The following GPBP1L1 variants were observed in gnomAD, a reference collection of about 807,000 sequenced individuals.
GPBP1L1 encodes the protein vasculin-like protein 1.
A neutral mutation model predicts 52.5 loss-of-function variants in GPBP1L1; 23 were observed. The observed-to-expected ratio is 0.44, with a 90% CI of 0.32 to 0.62. The LOEUF (loss-of-function observed/expected upper bound fraction) is 0.62. Ranked by LOEUF, GPBP1L1 falls within the 20% of genes least tolerant of loss-of-function variation. GPBP1L1 has a pLI of 0.06. For synonymous variants in GPBP1L1, 243 were observed against 203.1 expected, an observed-to-expected ratio of 1.20 and a Z score of -1.67; for missense variants, 596 against 579.3, an observed-to-expected ratio of 1.03 and a Z score of -0.30.
intron 2 of GPBP1L1, among the ~76,000 whole-genome samples, chr1:45,680,899 G>A (rs1333396316): frequency 3.9e-5 from 6 of 152,086 alleles, no homozygotes; most frequent in Non-Finnish European, 8.8e-5. Context: ...TTGGAGGGTA[G>A]AAAATAGGGA....
chr1:45,642,078 C>A (rs1569784200), intron 7 of GPBP1L1, among the ~76,000 whole-genome samples: 1 of 152,120 alleles, frequency 6.6e-6, no homozygotes, highest in Non-Finnish European at 1.5e-5. Context: ...GTGGAGGCTG[C>A]AGTGAGCTGA....
intron 2 of GPBP1L1, among the ~76,000 whole-genome samples, chr1:45,670,861 C>T (rs1386011637): frequency 1.4e-5 from 2 of 141,532 alleles, no homozygotes; most frequent in Non-Finnish European, 3.0e-5. Context: ...GGTGTGATCT[C>T]GGCTCACTGC....
chr1:45,658,478 AAAAAAG>A (rs1478249636), intron 4 of GPBP1L1, among the ~76,000 whole-genome samples: 2 of 152,204 alleles, frequency 1.3e-5, no homozygotes, highest in Non-Finnish European at 2.9e-5. Context: ...GAGATACTTA[AAAAAAG>A]AAAAAAAGAA....
At chr1:45,631,283 G>A (rs1243713433) in intron 10 of GPBP1L1, among the ~76,000 whole-genome samples, 5 of 152,074 alleles carry the variant, frequency 3.3e-5, no homozygotes, top group Non-Finnish European at 7.4e-5. Flanking sequence ...TATTTTTGGA[G>A]ATCAAGTCTC....
At chr1:45,634,390 C>T (rs757698648) in intron 8 of GPBP1L1, 154 bp from the exon 9 acceptor site, 204 of 670,726 alleles carry the variant, frequency 3.0e-4, no homozygotes, top group Non-Finnish European at 4.2e-4. Context: ...CAACCTCTTT[C>T]GGAGGTTAGG....
intron 2 of GPBP1L1, among the ~76,000 whole-genome samples, chr1:45,676,862 C>CAGAGAGACCCT (rs1557722558): frequency 6.9e-6 from 1 of 145,210 alleles, no homozygotes; most frequent in Non-Finnish European, 1.5e-5. Context: ...CTGGGTGACA[C>CAGAGAGACCCT]AGAGAGACCC....
chr1:45,657,168 C>T lies in GPBP1L1; in HGVS notation c.61-1849G>A, dbSNP rs573801422. ...ATAGATCTATATACTTTTCAGGTAGCCCACTAGCTCCAAGCTTTGGGTCAG... is the reference window on the plus strand; with the variant it reads ...ATAGATCTATATACTTTTCAGGTAGTCCACTAGCTCCAAGCTTTGGGTCAG... On this transcript the variant is annotated intron_variant, in intron 4 of 12. Transcript: ENST00000355105. Among the ~76,000 whole-genome samples, 27 of 152,256 alleles carry T rather than the reference C, an allele frequency of 1.8e-4. No homozygotes were observed. The South Asian group carries it at 5.2e-3, about 29-fold the overall frequency.
At chr1:45,670,251 T>G (rs1288626587) in intron 2 of GPBP1L1, among the ~76,000 whole-genome samples, 1 of 152,248 alleles carries the variant, frequency 6.6e-6, no homozygotes, top group African/African-American at 2.4e-5. Context: ...ATTTATCAGG[T>G]CTTTGTACTT....
intron 2 of GPBP1L1, among the ~76,000 whole-genome samples, chr1:45,664,869 G>C (rs1371498644): frequency 6.6e-6 from 1 of 152,012 alleles, no homozygotes; most frequent in East Asian, 2.0e-4. Flanking sequence ...AGCAGAGATA[G>C]AGTTTCGCCA....
chr1:45,660,296 TATG>T lies in GPBP1L1; in HGVS notation c.-171_-169del. ...AAGTAACCTGGCCGGCAGCACGACT[TATG>T]ATGAAGCACGAAGAAGCCAGGTTCT... On this transcript the variant is annotated 5_prime_UTR_variant, in exon 3 of 13. Coordinates refer to ENST00000355105, the MANE Select transcript of GPBP1L1 (RefSeq NM_021639.5). 1.0e-6 allele frequency: 1 copy of T among 985,340 alleles called. No individual in the cohort carries two copies. The highest frequency in any genetic ancestry group is 1.2e-6 in the Non-Finnish European group (1 of 829,916). 61.0% of individuals were successfully genotyped at this position (985,340 alleles called of 1,614,324 possible). A position where few individuals can be genotyped will look rare whatever the true frequency, so the allele number is the denominator to read the frequency against.
At chr1:45,643,836 A>G (rs1644706217) in intron 6 of GPBP1L1, among the ~76,000 whole-genome samples, 1 of 151,532 alleles carries the variant, frequency 6.6e-6, no homozygotes, top group African/African-American at 2.4e-5. Context: ...CACCCAGCTA[A>G]TTTTTGTATT....
chr1:45,630,501 A>G lies in GPBP1L1; in HGVS notation c.1150T>C (p.Ser384Pro), dbSNP rs762779000. ...VVEEGEVLSH[S>P]LEAEHRLLKA... ...ACTTACCTGTGCTCTGCTTCTAGAG[A>G]GTGTGAGAGAACCTCCCCTTCTTCC... is the stretch of plus-strand genomic sequence containing the variant. The change falls in exon 11 of 13, where the codon TCT becomes CCT. Residue 384 changes from serine (S) to proline (P), a missense_variant. By Grantham distance (74) the Ser-to-Pro change is moderately conservative (BLOSUM62 -1). Coordinates refer to ENST00000355105, the MANE Select transcript of GPBP1L1 (RefSeq NM_021639.5). 6.2e-7 allele frequency: 1 copy of G among 1,613,812 alleles called. No individual in the cohort carries two copies. Among genetic ancestry groups the G allele is most frequent in the Admixed American group, 1.7e-5 (1 of 60,006 alleles).
rs1277161459 is a variant in GPBP1L1, at chr1:45,660,639, G to A, written c.-511C>T. 2.6e-6 allele frequency: 2 copies of A among 773,340 alleles called. No homozygotes were observed. The highest frequency in any genetic ancestry group is 1.3e-4 in the East Asian group (1 of 7,868). The allele number at this position is 773,340 out of a possible 1,614,324, so 47.9% of individuals were successfully genotyped here. On this transcript the variant is annotated 5_prime_UTR_variant, in exon 3 of 13. Transcript: ENST00000355105. The stretch of plus-strand genomic sequence containing the variant: ...AAGTGTGGACAAATAATGTCATCAA[G>A]GTAATAGATCAAAAATATTAAAGCC...
chr1:45,656,927 CCTT>C (rs1411309233), intron 4 of GPBP1L1, among the ~76,000 whole-genome samples: 1 of 152,098 alleles, frequency 6.6e-6, no homozygotes, highest in Non-Finnish European at 1.5e-5. Context: ...TTCAAGCAAT[CCTT>C]CTGCCTCAGC....
intron 2 of GPBP1L1, among the ~76,000 whole-genome samples, chr1:45,674,973 T>C (rs1337853566): frequency 6.6e-6 from 1 of 152,190 alleles, no homozygotes; most frequent in African/African-American, 2.4e-5. Flanking sequence ...GTAGTCCTTT[T>C]CTTGTTTTTC....
intron 9 of GPBP1L1, 36 bp downstream of exon 9, chr1:45,634,060 T>C: frequency 6.4e-7 from 1 of 1,559,492 alleles, no homozygotes. Context: ...GAAATGGCAA[T>C]TTCAGAAAAG....
intron 6 of GPBP1L1, chr1:45,651,777 G>T (rs142469716): frequency 9.3e-4 from 285 of 307,642 alleles, no homozygotes; most frequent in Non-Finnish European, 1.4e-3. Flanking sequence ...CTTGACGACA[G>T]CAGGGGCCAG....
intron 6 of GPBP1L1, among the ~76,000 whole-genome samples, chr1:45,648,019 C>T (rs2148456577): frequency 6.6e-6 from 1 of 152,246 alleles, no homozygotes; most frequent in South Asian, 2.1e-4. Flanking sequence ...GGGCTCACTG[C>T]AGCTACGACC....
chr1:45,663,270 G>A (rs2148488015), intron 2 of GPBP1L1, among the ~76,000 whole-genome samples: 1 of 152,182 alleles, frequency 6.6e-6, no homozygotes, highest in East Asian at 1.9e-4. Context: ...AAGACAGAGA[G>A]ATAAATCATC....
Sources: gnomAD v4.1 joint callset for allele counts (sites outside exome capture counted in the v4.1 genomes callset) on GRCh38, gnomAD v4.1.1 for gene constraint, MANE v1.5 for transcripts, NCBI Gene and HGNC (gene_info 2026-07-23, HGNC 2026-07-21) for gene names.